DLG4: variants seen among roughly 807,000 people sequenced by gnomAD.
DLG4 encodes discs large MAGUK scaffold protein 4, also known as disks large homolog 4.
In DLG4, 7 loss-of-function variants were observed where a neutral mutation model predicts 93.8. The ratio of observed to expected loss-of-function variants is 0.07; its 90% CI spans 0.04 to 0.14. The LOEUF is 0.14. DLG4 is among the 10% of genes least tolerant of loss of function. The pLI is 1.00. For missense variants in DLG4, 545 were observed against 992.9 expected (o/e 0.55, Z 6.06); for synonymous variants, 341 against 387.6 (o/e 0.88, Z 1.41).
chr17:7,208,248 G>A lies in DLG4; in HGVS notation c.31-9C>T. ...TCTTGGTAGCGGTATTTCTGGGGAT[G>A]GGGACGGAGGTGTCACTGGGGCCAG... On this transcript the variant is annotated splice_polypyrimidine_tract_variant and intron_variant, in intron 1 of 19. Transcript: ENST00000399506. This position sits in a 1 kb window ranked among gnomAD's most constrained non-coding sequence, Gnocchi z 5.4. 1 of 1,311,982 alleles carries A rather than the reference G, an allele frequency of 7.6e-7. No homozygotes were observed. The highest frequency in any genetic ancestry group is 9.8e-7 in the Non-Finnish European group (1 of 1,021,400). 81.3% of individuals were successfully genotyped at this position (1,311,982 alleles called of 1,614,324 possible). A position where few individuals can be genotyped will look rare whatever the true frequency, so the allele number is the denominator to read the frequency against.
At chr17:7,218,514 AG>A (rs747410064), upstream of DLG4, 1 of 1,547,840 alleles carries the variant, frequency 6.5e-7, no homozygotes, top group South Asian at 1.2e-5. Flanking sequence ...TTGGAGGCCC[AG>A]GTCCCTCAGA....
Position 7,190,563 on chromosome 17 carries a change from C to T in DLG4, c.*145G>A. 1.5e-6 allele frequency: 1 copy of T among 668,086 alleles called. No individual in the cohort carries two copies. Among genetic ancestry groups the T allele is most frequent in the Admixed American group, 2.3e-5 (1 of 43,906 alleles). The allele number at this position is 668,086 out of a possible 1,614,324, so 41.4% of individuals were successfully genotyped here. A position where few individuals can be genotyped will look rare whatever the true frequency, so the allele number is the denominator to read the frequency against. On this transcript the variant is annotated 3_prime_UTR_variant, in exon 20 of 20. Coordinates refer to ENST00000399506, the MANE Select transcript of DLG4 (RefSeq NM_001321075.3). ...TACATGCAGAGGAGTGTCCCCCCTC[C>T]AACAGGCTGGATCCAGTTAGAAAGG...
intron 1 of DLG4, among the ~76,000 whole-genome samples, chr17:7,214,692 C>T (rs2070835902): frequency 6.6e-6 from 1 of 152,218 alleles, no homozygotes; most frequent in African/African-American, 2.4e-5. Context: ...TCCAGTCCGC[C>T]ACGCAGCTTC....
chr17:7,212,827 G>T (rs917078689), intron 1 of DLG4, among the ~76,000 whole-genome samples: 1 of 152,030 alleles, frequency 6.6e-6, no homozygotes, highest in East Asian at 1.9e-4. Context: ...GAGGTCAGGC[G>T]TTCCAGACCA....
Position 7,203,107 on chromosome 17 carries a change from G to A in DLG4, c.643-60C>T, listed in dbSNP as rs1192946400. ...ACAAATGGCCCAAGACAGAAGCACT[G>A]GGGTGAAGTGATGAACTTGGGCCTG... On this transcript the variant is annotated intron_variant, in intron 7 of 19. Transcript: ENST00000399506. The surrounding 1 kb of genome is among the most constrained non-coding windows in gnomAD (Gnocchi z 7.2). 1.9e-6 allele frequency: 3 copies of A among 1,575,512 alleles called. No individual in the cohort carries two copies. Among genetic ancestry groups the A allele is most frequent in the African/African-American group, 1.3e-5 (1 of 74,334 alleles).
At chr17:7,213,809 G>T (rs949445125) in intron 1 of DLG4, 3 of 471,178 alleles carry the variant, frequency 6.4e-6, no homozygotes, top group Non-Finnish European at 1.3e-5. Context: ...ACCCAAGCGA[G>T]ATTGACCCCG....
rs1222552772 is a variant in DLG4, at chr17:7,203,848, C to G, written c.211-32G>C. The G allele has an allele frequency of 6.2e-7, 1 of 1,611,200 alleles. No homozygotes were observed. Among genetic ancestry groups the G allele is most frequent in the Admixed American group, 1.7e-5 (1 of 59,588 alleles). ...GAAGGAGGGGAAGAGGGTCAGCTCC[C>G]CTCACTGCCCAAGTCTGGCAAGGCA... On this transcript the variant is annotated intron_variant, in intron 4 of 19. Transcript: ENST00000399506. This position sits in a 1 kb window ranked among gnomAD's most constrained non-coding sequence, Gnocchi z 7.2.
chr17:7,219,451 TC>T, upstream of DLG4: 1 of 1,027,392 alleles, frequency 9.7e-7, no homozygotes, highest in Non-Finnish European at 1.2e-6. Flanking sequence ...GGCCTACATC[TC>T]AGAAGAATAC....
At chr17:7,219,881 G>A, upstream of DLG4, 2 of 1,542,086 alleles carry the variant, frequency 1.3e-6, no homozygotes, top group East Asian at 2.4e-5. Flanking sequence ...GCCGCCCGGT[G>A]CACTGTGGAC....
chr17:7,204,731 C>T (rs1055444565), intron 2 of DLG4, among the ~76,000 whole-genome samples: 1 of 151,862 alleles, frequency 6.6e-6, no homozygotes, highest in South Asian at 2.1e-4. Flanking sequence ...CCCAACCCCC[C>T]ATATCTACCC....
In DLG4 at chr17:7,189,355, G is replaced by GGT. The variant is rs1431865069; in HGVS notation, c.*1352_*1353insAC. Among the ~76,000 whole-genome samples, 1 of 151,844 alleles carries GGT rather than the reference G, an allele frequency of 6.6e-6. No homozygotes were observed. Among genetic ancestry groups the GGT allele is most frequent in the Non-Finnish European group, 1.5e-5 (1 of 67,990 alleles). ...AAATACAAAATTAGCCAGGCATGGT[G>GGT]GCAGTAATCTGTAATCCCAGCTACT... On this transcript the variant is annotated 3_prime_UTR_variant, in exon 20 of 20. Coordinates refer to ENST00000399506, the MANE Select transcript of DLG4 (RefSeq NM_001321075.3).
At chr17:7,216,987 AT>A (rs1305624392) in intron 1 of DLG4, 130 bp downstream of exon 1, 1 of 910,282 alleles carries the variant, frequency 1.1e-6, no homozygotes, top group Non-Finnish European at 1.5e-6. Context: ...CCAAAACTAA[AT>A]TAAGACCCCC....
intron 17 of DLG4, chr17:7,192,208 G>C: frequency 1.4e-5 from 6 of 433,796 alleles, no homozygotes; most frequent in Non-Finnish European, 2.0e-5. Flanking sequence ...GGAAAGGGAA[G>C]ATGGAGAGCA....
chr17:7,218,250 T>C (rs1367368269), upstream of DLG4: 1 of 1,609,848 alleles, frequency 6.2e-7, no homozygotes, highest in Non-Finnish European at 8.5e-7. Context: ...CCTGACTCTC[T>C]GAGAGGGAAG....
In DLG4 at chr17:7,208,483, A is replaced by C; in HGVS notation, c.31-244T>G. On this transcript the variant is annotated intron_variant, in intron 1 of 19. Coordinates refer to ENST00000399506, the MANE Select transcript of DLG4 (RefSeq NM_001321075.3). This position sits in a 1 kb window ranked among gnomAD's most constrained non-coding sequence, Gnocchi z 5.4. ...CCCCAGGTCCCAATCCCATCCCCCA[A>C]CTCCTACTCCTCACATCCTGGGACA... Among the ~76,000 whole-genome samples the C allele has an allele frequency of 1.3e-5, 2 of 149,174 alleles. No individual in the cohort carries two copies. Among genetic ancestry groups the C allele is most frequent in the African/African-American group, 2.5e-5 (1 of 40,230 alleles).
At chr17:7,199,627 C>G (rs2070007183) in intron 8 of DLG4, among the ~76,000 whole-genome samples, 2 of 152,040 alleles carry the variant, frequency 1.3e-5, no homozygotes, top group Non-Finnish European at 2.9e-5. Flanking sequence ...TCCTGGATAC[C>G]TTCCTTGCTC....
upstream of DLG4, chr17:7,219,761 G>T: frequency 6.8e-7 from 1 of 1,473,518 alleles, no homozygotes; most frequent in Non-Finnish European, 9.0e-7. Context: ...CGGGATTAAG[G>T]AGTTTGGGGG....
intron 8 of DLG4, among the ~76,000 whole-genome samples, chr17:7,201,395 T>C (rs576756009): frequency 6.6e-6 from 1 of 152,256 alleles, no homozygotes; most frequent in African/African-American, 2.4e-5. Flanking sequence ...TTGTTATGAC[T>C]GAGGGGGAGG....
intron 1 of DLG4, among the ~76,000 whole-genome samples, chr17:7,213,095 CTTT>C (rs746009346): frequency 0.066 from 5,318 of 80,356 alleles, 231 homozygotes; most frequent in African/African-American, 0.17. Flanking sequence ...TTCTTTCTTT[CTTT>C]TTTTTTTTTT....
Sources: gnomAD v4.1 joint callset for allele counts (sites outside exome capture counted in the v4.1 genomes callset) on GRCh38, gnomAD v4.1.1 for gene constraint, Gnocchi (gnomAD v3.1) non-coding constraint, MANE v1.5 for transcripts, NCBI Gene and HGNC (gene_info 2026-07-23, HGNC 2026-07-21) for gene names.